Variants in CA5A observed in about 807,000 individuals in gnomAD.
The protein encoded by CA5A is carbonic anhydrase 5A.
Under a neutral mutation model 37.1 loss-of-function variants are expected in CA5A, and 28 were observed. That is an observed-to-expected ratio of 0.75 (90% CI 0.56 to 1.03). The LOEUF (loss-of-function observed/expected upper bound fraction) is 1.03, where lower values mean the gene tolerates loss of function less well. Ranked by LOEUF, CA5A falls within the 50% of genes least tolerant of loss-of-function variation. The pLI is 0.00. For missense variants in CA5A, 444 were observed against 399.9 expected, an observed-to-expected ratio of 1.11 and a Z score of -0.94; for synonymous variants, 171 against 158.4, an observed-to-expected ratio of 1.08 and a Z score of -0.60.
chr16:87,922,277 A>C (rs1351548419), intron 2 of CA5A, among the ~76,000 whole-genome samples: 3 of 152,046 alleles, frequency 2.0e-5, no homozygotes, highest in East Asian at 3.9e-4. Context: ...GGGGAAGGGG[A>C]GGTTCCAGGG....
chr16:87,924,675 C>T (rs369443251), intron 2 of CA5A, among the ~76,000 whole-genome samples: 18 of 152,364 alleles, frequency 1.2e-4, no homozygotes, highest in African/African-American at 2.9e-4. Context: ...CAGACCTCCC[C>T]GTGACAGCAG....
chr16:87,935,417 C>T (rs142245241), intron 1 of CA5A, among the ~76,000 whole-genome samples: 9 of 152,284 alleles, frequency 5.9e-5, no homozygotes, highest in East Asian at 1.9e-4. Context: ...AGTTTAGGAG[C>T]GATCGTGACT....
At chr16:87,912,030 G>A (rs143683117) in intron 2 of CA5A, among the ~76,000 whole-genome samples, 39 of 152,224 alleles carry the variant, frequency 2.6e-4, no homozygotes, top group African/African-American at 8.4e-4. Context: ...GCCCAGGCAC[G>A]GTGGCTCATA....
At position 87,935,954 on chromosome 16, in the gene CA5A, C is replaced by T. The variant is rs569056075; in HGVS notation, c.142+355G>A. Among the ~76,000 whole-genome samples the T allele has an allele frequency of 7.9e-5, 12 of 151,808 alleles. No individual in the cohort carries two copies. The South Asian group carries it at 1.3e-3, about 16-fold the overall frequency. On this transcript the variant is annotated intron_variant, in intron 1 of 6. Transcript: ENST00000649794. ...TTGGGAGGCTGAGACAGGCGGATCG[C>T]GAGGTTAGGAGTTCGAGACCAACCT... is the stretch of plus-strand genomic sequence containing the variant.
intron 1 of CA5A, among the ~76,000 whole-genome samples, chr16:87,931,661 G>A (rs888007685): frequency 1.3e-5 from 2 of 152,184 alleles, no homozygotes; most frequent in African/African-American, 4.8e-5. Context: ...TGATAGACGG[G>A]GAGGATGCAT....
At position 87,888,172 on chromosome 16, in the gene CA5A, A is replaced by T. The variant is rs1567512644; in HGVS notation, c.875T>A (p.Val292Asp). 6.2e-7 allele frequency: 1 copy of T among 1,613,816 alleles called. No individual in the cohort carries two copies. The highest frequency in any genetic ancestry group is 2.2e-5 in the East Asian group (1 of 44,872). The change falls in exon 7 of 7, where the codon GTC becomes GAC. Residue 292 changes from valine (V) to aspartate (D), a missense_variant. By Grantham distance (152) the Val-to-Asp change is radical. Coordinates refer to ENST00000649794, the MANE Select transcript of CA5A (RefSeq NM_001739.2). ...RPLQPLMNRK[V>D]WASFQATNEG... ...ATTAGTGGCCTGGAAGGACGCCCAG[A>T]CCTTCCGGTTCATCAAGGGTTGAAG...
Position 87,913,305 on chromosome 16 carries a change from C to CTTTTTTT in CA5A, c.341-8408_341-8402dup, listed in dbSNP as rs56257660. Among the ~76,000 whole-genome samples the CTTTTTTT allele has an allele frequency of 2.9e-4, 38 of 133,330 alleles. 1 individual carries two copies. Among genetic ancestry groups the CTTTTTTT allele is most frequent in the African/African-American group, 1.1e-3 (35 of 31,808 alleles). The allele number at this position is 133,330 out of a possible 152,430, so 87.5% of individuals were successfully genotyped here. ...ATCAACAGGTTTTGAATGTTCCAGT[C>CTTTTTTT]TTTTTTTTTTTTTTGAGTCAGGGGT... On this transcript the variant is annotated intron_variant, in intron 2 of 6. Transcript: ENST00000649794.
intron 5 of CA5A, among the ~76,000 whole-genome samples, chr16:87,899,585 G>C (rs2055848284): frequency 6.6e-6 from 1 of 150,414 alleles, no homozygotes; most frequent in Non-Finnish European, 1.5e-5. Flanking sequence ...TTACAGGCGT[G>C]AGCCACCGCA....
intron 1 of CA5A, among the ~76,000 whole-genome samples, chr16:87,928,773 T>G (rs1477941241): frequency 2.2e-5 from 3 of 135,750 alleles, no homozygotes; most frequent in Non-Finnish European, 3.2e-5. Flanking sequence ...TTTTTTTTTT[T>G]TTTTTTTTTT....
Position 87,926,669 on chromosome 16 carries a change from C to A in CA5A, c.340+79G>T. ...AAGCAGCACCTTCCTGCTCTCCTCC[C>A]CCTTCTCCGCGAAGCTCTTGACCCT... On this transcript the variant is annotated intron_variant, in intron 2 of 6. Transcript: ENST00000649794. The A allele has an allele frequency of 6.1e-6, 7 of 1,139,216 alleles. No individual in the cohort carries two copies. In the South Asian group the frequency reaches 9.6e-5, roughly 16 times the overall value. 70.6% of individuals were successfully genotyped at this position (1,139,216 alleles called of 1,614,324 possible).
chr16:87,885,163 A>AAAAAC (rs201119238), downstream of CA5A: 23,975 of 166,034 alleles, frequency 0.14, 2,042 homozygotes, highest in South Asian at 0.19. Context: ...ACTCCATCTC[A>AAAAAC]AAAACAAAAC....
intron 2 of CA5A, chr16:87,923,948 G>A: frequency 1.0e-6 from 1 of 984,952 alleles, no homozygotes; most frequent in Non-Finnish European, 1.2e-6. Context: ...TGAAGTGGCT[G>A]CATGAAGAAT....
chr16:87,907,352 G>A (rs1427234140), intron 2 of CA5A, among the ~76,000 whole-genome samples: 2 of 152,176 alleles, frequency 1.3e-5, no homozygotes, highest in Non-Finnish European at 2.9e-5. Context: ...GGGGGAAAGG[G>A]GGTTTGCAGC....
downstream of CA5A, chr16:87,883,160 A>G (rs1337396368): frequency 2.0e-5 from 3 of 152,130 alleles, no homozygotes; most frequent in Admixed American, 6.6e-5. Flanking sequence ...AGCTGGGATT[A>G]TAGGTGCGTG....
chr16:87,888,361 C>T, intron 6 of CA5A, 89 bp from the exon 7 acceptor site: 5 of 1,178,488 alleles, frequency 4.2e-6, no homozygotes, highest in Non-Finnish European at 6.0e-6. Context: ...TGGTCCCCTC[C>T]CATGCTGAAT....
chr16:87,894,430 C>G (rs1426391934), intron 5 of CA5A, among the ~76,000 whole-genome samples: 1 of 152,130 alleles, frequency 6.6e-6, no homozygotes, highest in African/African-American at 2.4e-5. Context: ...ATGCCTTGGG[C>G]TTGTCTCCTA....
chr16:87,935,859 G>A (rs986285356), intron 1 of CA5A, among the ~76,000 whole-genome samples: 2 of 151,442 alleles, frequency 1.3e-5, no homozygotes, highest in African/African-American at 4.9e-5. Flanking sequence ...CTGGGCAAAA[G>A]AGCAAAACTT....
chr16:87,886,929 G>A (rs1182591433), downstream of CA5A: 1 of 152,086 alleles, frequency 6.6e-6, no homozygotes, highest in African/African-American at 2.4e-5. Context: ...TTGAGATGGA[G>A]TCTCGCTCTG....
chr16:87,924,143 A>T lies in CA5A; in HGVS notation c.340+2605T>A, dbSNP rs975895993. ...GTGCCTCCCAAGATCTGGTTGTCCC[A>T]CTTTCCCTCTTCTTCTCCGAGCTGG... On this transcript the variant is annotated intron_variant, in intron 2 of 6. Transcript: ENST00000649794. The T allele has an allele frequency of 1.3e-5, 13 of 985,232 alleles. No homozygotes were observed. The African/African-American group carries it at 2.3e-4, about 17-fold the overall frequency. 61.0% of individuals were successfully genotyped at this position (985,232 alleles called of 1,614,324 possible).
Sources: gnomAD v4.1 joint callset for allele counts (sites outside exome capture counted in the v4.1 genomes callset) on GRCh38, gnomAD v4.1.1 for gene constraint, MANE v1.5 for transcripts, NCBI Gene and HGNC (gene_info 2026-07-23, HGNC 2026-07-21) for gene names.